The following SSBP2 variants were observed in gnomAD, a reference collection of about 807,000 sequenced individuals.
SSBP2 encodes single stranded DNA binding protein 2.
SSBP2 carries 17 observed loss-of-function variants against 61.8 expected under a neutral mutation model. That is an observed-to-expected ratio of 0.28 (90% CI 0.19 to 0.41). The LOEUF is 0.41. SSBP2 is among the 10% of genes least tolerant of loss of function. The pLI, the probability that SSBP2 is intolerant of heterozygous loss-of-function variation, is 1.00. For synonymous variants in SSBP2, 139 were observed against 141.3 expected, an observed-to-expected ratio of 0.98 and a Z score of 0.12; for missense variants, 310 against 458.7, an observed-to-expected ratio of 0.68 and a Z score of 2.96.
At chr5:81,654,406 A>G (rs991450571) in intron 1 of SSBP2, among the ~76,000 whole-genome samples, 1 of 152,228 alleles carries the variant, frequency 6.6e-6, no homozygotes, top group Non-Finnish European at 1.5e-5. Context: ...TCATGTGTCA[A>G]ATAGGAAGAA....
Position 81,687,754 on chromosome 5 carries a change from G to A in SSBP2, c.63-37415C>T, listed in dbSNP as rs180702001. Among the ~76,000 whole-genome samples, 10 of 152,324 alleles carry A rather than the reference G, an allele frequency of 6.6e-5. No individual in the cohort carries two copies. In the East Asian group the frequency reaches 1.9e-3, roughly 29 times the overall value. On this transcript the variant is annotated intron_variant, in intron 1 of 16. Transcript: ENST00000320672. ...ACATTTCTAGACACATCCTGGGCCT[G>A]TAGGGAACCCACTGTCTTGAAGGGA...
At chr5:81,454,962 A>G (rs985604924) in intron 10 of SSBP2, among the ~76,000 whole-genome samples, 2 of 152,124 alleles carry the variant, frequency 1.3e-5, no homozygotes, top group Non-Finnish European at 2.9e-5. Flanking sequence ...AAAGAATTGC[A>G]ATAGTATTCA....
intron 15 of SSBP2, among the ~76,000 whole-genome samples, chr5:81,435,280 T>C (rs1462592862): frequency 1.3e-5 from 2 of 152,250 alleles, no homozygotes; most frequent in Non-Finnish European, 2.9e-5. Context: ...ATCTTGTTTA[T>C]CTTTGGATTT....
At chr5:81,747,195 AT>A (rs758821134) in intron 1 of SSBP2, among the ~76,000 whole-genome samples, 1 of 152,206 alleles carries the variant, frequency 6.6e-6, no homozygotes, top group Non-Finnish European at 1.5e-5. Context: ...ACATCTGATT[AT>A]GTAATGCTGT....
At chr5:81,459,524 C>A (rs1398342152) in intron 10 of SSBP2, among the ~76,000 whole-genome samples, 2 of 152,014 alleles carry the variant, frequency 1.3e-5, no homozygotes, top group Admixed American at 6.6e-5. Flanking sequence ...GGTTTTTGTG[C>A]TTCTAGGTGG....
chr5:81,562,342 C>A (rs1358520929), intron 4 of SSBP2, among the ~76,000 whole-genome samples: 1 of 152,132 alleles, frequency 6.6e-6, no homozygotes, highest in East Asian at 1.9e-4. Flanking sequence ...TTTCAAATCC[C>A]ATTAAGGGAG....
intron 1 of SSBP2, among the ~76,000 whole-genome samples, chr5:81,735,325 AAATTTT>A (rs1323394104): frequency 6.6e-6 from 1 of 152,224 alleles, no homozygotes; most frequent in Non-Finnish European, 1.5e-5. Flanking sequence ...TTTATTACTT[AAATTTT>A]AAATTTAAAT....
At chr5:81,581,188 T>A (rs928162442) in intron 4 of SSBP2, among the ~76,000 whole-genome samples, 1 of 152,126 alleles carries the variant, frequency 6.6e-6, no homozygotes, top group Non-Finnish European at 1.5e-5. Context: ...AGAAGAACAG[T>A]GGGCAAGGTA....
At chr5:81,534,889 C>T (rs1262414204) in intron 4 of SSBP2, among the ~76,000 whole-genome samples, 1 of 151,846 alleles carries the variant, frequency 6.6e-6, no homozygotes, top group African/African-American at 2.4e-5. Flanking sequence ...AAAGCAAAAT[C>T]CCATCTAGGC....
intron 1 of SSBP2, among the ~76,000 whole-genome samples, chr5:81,718,403 G>A (rs1755318015): frequency 6.6e-6 from 1 of 152,184 alleles, no homozygotes; most frequent in Non-Finnish European, 1.5e-5. Flanking sequence ...AAAGAAAACA[G>A]AGAAAGATCT....
intron 1 of SSBP2, among the ~76,000 whole-genome samples, chr5:81,704,074 C>A (rs1157803026): frequency 6.6e-6 from 1 of 152,192 alleles, no homozygotes; most frequent in Non-Finnish European, 1.5e-5. Flanking sequence ...TCATTACTGT[C>A]CAGGTTCCAC....
At chr5:81,429,698 A>AT (rs58047611) in intron 15 of SSBP2, among the ~76,000 whole-genome samples, 10,156 of 151,654 alleles carry the variant, frequency 0.067, 743 homozygotes, top group African/African-American at 0.19. Flanking sequence ...TAGTTTTTAG[A>AT]TTTTTTTTTA....
chr5:81,603,670 T>C (rs894453529), intron 4 of SSBP2, among the ~76,000 whole-genome samples: 6 of 152,170 alleles, frequency 3.9e-5, no homozygotes, highest in Admixed American at 3.3e-4. Context: ...GACAGTAATA[T>C]ATACCATAAA....
intron 5 of SSBP2, among the ~76,000 whole-genome samples, chr5:81,498,037 G>A (rs761391253): frequency 5.9e-5 from 9 of 151,992 alleles, no homozygotes; most frequent in Non-Finnish European, 1.3e-4. Flanking sequence ...GGAACCTAAC[G>A]TTTTAGGTTG....
intron 13 of SSBP2, among the ~76,000 whole-genome samples, chr5:81,441,047 A>T (rs1379011458): frequency 6.6e-6 from 1 of 152,222 alleles, no homozygotes; most frequent in African/African-American, 2.4e-5. Context: ...TGTCATTATG[A>T]CAACATTAAC....
intron 4 of SSBP2, among the ~76,000 whole-genome samples, chr5:81,577,519 T>C (rs1774302816): frequency 6.6e-6 from 1 of 152,054 alleles, no homozygotes; most frequent in Admixed American, 6.5e-5. Flanking sequence ...GCAACTGTTT[T>C]CTGGATGATT....
chr5:81,501,624 G>A (rs1250527297), intron 5 of SSBP2, among the ~76,000 whole-genome samples: 11 of 143,866 alleles, frequency 7.6e-5, no homozygotes, highest in South Asian at 2.2e-4. Context: ...GTGTAGTGGC[G>A]TGATCTGGGC....
intron 16 of SSBP2, among the ~76,000 whole-genome samples, chr5:81,427,292 A>G (rs1561383290): frequency 1.3e-5 from 2 of 152,174 alleles, no homozygotes; most frequent in African/African-American, 4.8e-5. Flanking sequence ...GTAGCTTCTC[A>G]TGTTTTTCCT....
At chr5:81,730,940 A>G (rs1390822340) in intron 1 of SSBP2, among the ~76,000 whole-genome samples, 1 of 152,238 alleles carries the variant, frequency 6.6e-6, no homozygotes, top group Admixed American at 6.5e-5. Flanking sequence ...TTGTGCACAC[A>G]GAAAATTTAC....
Sources: allele counts gnomAD v4.1 joint callset (sites outside exome capture counted in the v4.1 genomes callset), GRCh38; gene constraint gnomAD v4.1.1; transcripts MANE v1.5; gene names NCBI Gene and HGNC (gene_info 2026-07-23, HGNC 2026-07-21).